ACTN1: variants seen among roughly 807,000 people sequenced by gnomAD.
ACTN1 encodes actinin alpha 1.
ACTN1 carries 30 observed loss-of-function variants against 119.6 expected under a neutral mutation model. That is an observed-to-expected ratio of 0.25 (90% CI 0.19 to 0.34). The LOEUF (loss-of-function observed/expected upper bound fraction) is 0.34, where lower values mean the gene tolerates loss of function less well. Among genes scored for constraint, ACTN1 ranks in the 10% least tolerant of loss-of-function variants. The probability of loss-of-function intolerance (pLI) is 1.00; values close to 1 mark genes in which losing one functional copy is unlikely to be tolerated. For missense variants in ACTN1, 764 were observed against 1,223.4 expected, an observed-to-expected ratio of 0.62 and a Z score of 5.60; for synonymous variants, 429 against 472.6, an observed-to-expected ratio of 0.91 and a Z score of 1.20.
intron 8 of ACTN1, among the ~76,000 whole-genome samples, chr14:68,895,621 CCACT>C (rs939283892): frequency 6.6e-6 from 1 of 152,144 alleles, no homozygotes; most frequent in Non-Finnish European, 1.5e-5. Context: ...CAGAGATGTG[CCACT>C]CAAACAGCTG....
intron 3 of ACTN1, among the ~76,000 whole-genome samples, chr14:68,915,880 G>A (rs764078775): frequency 2.4e-4 from 36 of 152,242 alleles, no homozygotes; most frequent in Non-Finnish European, 4.8e-4. Flanking sequence ...CAGATGTGGT[G>A]GCACATGCCT....
Position 68,909,053 on chromosome 14 carries a change from C to A in ACTN1, c.594+265G>T, listed in dbSNP as rs1238908718. On this transcript the variant is annotated intron_variant, in intron 6 of 21. Coordinates refer to ENST00000394419, the MANE Select transcript of ACTN1 (RefSeq NM_001130004.2). The surrounding 1 kb of genome is among the most constrained non-coding windows in gnomAD (Gnocchi z 4.1). ...ACCATGTATCATTCCATCCCTCTGACAAAGCTGCTGTCACAGCTGTGATAT... is the reference window on the plus strand; with the variant it reads ...ACCATGTATCATTCCATCCCTCTGAAAAAGCTGCTGTCACAGCTGTGATAT... 7.9e-5 allele frequency among the ~76,000 whole-genome samples: 12 copies of A among 152,218 alleles called. No homozygotes were observed. Among genetic ancestry groups the A allele is most frequent in the Non-Finnish European group, 1.3e-4 (9 of 68,044 alleles).
At chr14:68,886,792 CAA>C (rs377762909) in intron 11 of ACTN1, 53 of 143,974 alleles carry the variant, frequency 3.7e-4, no homozygotes, top group South Asian at 4.4e-4. Context: ...GACTCCGTTT[CAA>C]AAAAAAAAAA....
chr14:68,918,142 CTG>C (rs2034415688), intron 3 of ACTN1, among the ~76,000 whole-genome samples: 1 of 152,222 alleles, frequency 6.6e-6, no homozygotes, highest in South Asian at 2.1e-4. Context: ...AACGGGAAAA[CTG>C]AGGCTGCCAG....
At chr14:68,950,462 G>GTGTGTATATATGTGTATGTGTATA in intron 1 of ACTN1, among the ~76,000 whole-genome samples, 3 of 125,912 alleles carry the variant, frequency 2.4e-5, no homozygotes, top group African/African-American at 1.2e-4. Context: ...ATGCGTGTGT[G>GTGTGTATATATGTGTATGTGTATA]TATATATATA....
chr14:68,931,407 C>G (rs923189653), intron 1 of ACTN1, among the ~76,000 whole-genome samples: 1 of 152,106 alleles, frequency 6.6e-6, no homozygotes, highest in African/African-American at 2.4e-5. Context: ...ACCAGACAGC[C>G]CTTTGAGGGG....
intron 1 of ACTN1, among the ~76,000 whole-genome samples, chr14:68,950,973 G>T (rs972764867): frequency 2.0e-5 from 3 of 152,168 alleles, no homozygotes; most frequent in African/African-American, 7.2e-5. Context: ...TTAGAGGGGG[G>T]CAATGTTATC....
intron 1 of ACTN1, among the ~76,000 whole-genome samples, chr14:68,954,191 T>G (rs2036271675): frequency 6.6e-6 from 1 of 152,202 alleles, no homozygotes; most frequent in Non-Finnish European, 1.5e-5. Context: ...TTATCATTTT[T>G]AAAGGCTGCA....
intron 1 of ACTN1, among the ~76,000 whole-genome samples, chr14:68,943,469 C>T (rs2035831359): frequency 6.6e-6 from 1 of 152,136 alleles, no homozygotes; most frequent in African/African-American, 2.4e-5. Flanking sequence ...ACCGGGGCTC[C>T]TAGGCTTCAC....
chr14:68,892,902 T>C (rs2032603211), intron 9 of ACTN1, among the ~76,000 whole-genome samples: 1 of 152,002 alleles, frequency 6.6e-6, no homozygotes, highest in Non-Finnish European at 1.5e-5. Context: ...ATCACACACA[T>C]GGACTCATCT....
In ACTN1 at chr14:68,875,034, G is replaced by A; in HGVS notation, c.2587-17C>T. On this transcript the variant is annotated splice_polypyrimidine_tract_variant and intron_variant, in intron 21 of 21. Transcript: ENST00000394419. ...AATGTAGTTCTGCGAGGAGAGAGTG[G>A]TCAGGAAGGCCGCAAAGTCCAGCAG... The A allele has an allele frequency of 6.2e-7, 1 of 1,611,560 alleles. No individual in the cohort carries two copies. Among genetic ancestry groups the A allele is most frequent in the African/African-American group, 1.3e-5 (1 of 75,048 alleles).
chr14:68,931,582 G>A (rs1357373406), intron 1 of ACTN1, among the ~76,000 whole-genome samples: 5 of 152,122 alleles, frequency 3.3e-5, no homozygotes, highest in African/African-American at 7.2e-5. Context: ...TGGATTCTAC[G>A]GCAAGATGGA....
rs1345402736 is a variant in ACTN1, at chr14:68,874,922, G to A, written c.2682C>T (p.Ser894=). 17 of 1,611,416 alleles carry A rather than the reference G, an allele frequency of 1.1e-5. No individual in the cohort carries two copies. Among genetic ancestry groups the A allele is most frequent in the Non-Finnish European group, 1.4e-5 (17 of 1,178,158 alleles). ...ARMAPYTGPD[S]VPGALDYMSF... ...ACATGTAGTCCAGAGCACCTGGCACGGAGTCGGGGCCGGTGTAGGGGGCCA... is the reference window on the plus strand; with the variant it reads ...ACATGTAGTCCAGAGCACCTGGCACAGAGTCGGGGCCGGTGTAGGGGGCCA... The change falls in exon 22 of 22, where the codon TCC becomes TCT. Residue 894 remains serine, a synonymous_variant. Coordinates refer to ENST00000394419, the MANE Select transcript of ACTN1 (RefSeq NM_001130004.2).
chr14:68,875,088 G>T, intron 21 of ACTN1, 71 bp from the exon 22 acceptor site: 1 of 1,591,520 alleles, frequency 6.3e-7, no homozygotes, highest in Non-Finnish European at 8.5e-7. Flanking sequence ...CGACACAGCC[G>T]CAAAGCCTGG....
rs2031332321 is a variant in ACTN1 at position 68,879,919 on chromosome 14, G to A, written c.2280+43C>T. 2 of 1,604,654 alleles carry A rather than the reference G, an allele frequency of 1.2e-6. No individual in the cohort carries two copies. Among genetic ancestry groups the A allele is most frequent in the Non-Finnish European group, 1.7e-6 (2 of 1,172,984 alleles). On this transcript the variant is annotated intron_variant, in intron 18 of 21. Coordinates refer to ENST00000394419, the MANE Select transcript of ACTN1 (RefSeq NM_001130004.2). The surrounding 1 kb of genome is among the most constrained non-coding windows in gnomAD (Gnocchi z 4.9). ...AGTGCCCTCCAGGGCCCTGGGGCAG[G>A]GGTTGGGGGCTGCACTAAGAAAGCA...
In ACTN1 at chr14:68,925,643, G is replaced by A; in HGVS notation, c.135C>T (p.Leu45=). The change falls in exon 2 of 22, where the codon CTC becomes CTT. Residue 45 remains leucine (L), a synonymous_variant. Coordinates refer to ENST00000394419, the MANE Select transcript of ACTN1 (RefSeq NM_001130004.2). The surrounding 1 kb of genome is among the most constrained non-coding windows in gnomAD (Gnocchi z 4.3). ...TCTCGATCTGTGTCCCCGCCTTCCG[G>A]AGGTGGGAGTTACACCATGCCGTGA... ...KTFTAWCNSH[L]RKAGTQIENI... is the part of the protein sequence containing the mutation. The A allele has an allele frequency of 1.2e-6, 2 of 1,613,266 alleles. No individual in the cohort carries two copies. The highest frequency in any genetic ancestry group is 2.2e-5 in the East Asian group (1 of 44,816).
chr14:68,892,930 C>T (rs1412606030), intron 9 of ACTN1, among the ~76,000 whole-genome samples: 10 of 152,142 alleles, frequency 6.6e-5, no homozygotes, highest in African/African-American at 1.9e-4. Context: ...CACAGAAACA[C>T]TACAAAGCTA....
At chr14:68,884,594 C>T (rs747525882) in intron 13 of ACTN1, among the ~76,000 whole-genome samples, 181 bp downstream of exon 13, 8 of 152,246 alleles carry the variant, frequency 5.3e-5, no homozygotes, top group Non-Finnish European at 7.3e-5. Context: ...GAGGAGGCAT[C>T]GCCATGAGGG....
Position 68,878,113 on chromosome 14 carries a change from T to A in ACTN1, c.2427+345A>T, listed in dbSNP as rs952484644. ...TGGAAGTCTCGGTTTCCATGCTCCA[T>A]GTGAGGTGACGCATGCCAGCCCGAA... On this transcript the variant is annotated intron_variant, in intron 20 of 21. Transcript: ENST00000394419. The surrounding 1 kb of genome is among the most constrained non-coding windows in gnomAD (Gnocchi z 4.4). 5 of 238,736 alleles carry A rather than the reference T, an allele frequency of 2.1e-5. No individual in the cohort carries two copies. Among genetic ancestry groups the A allele is most frequent in the African/African-American group, 8.9e-5 (4 of 44,866 alleles). 14.8% of individuals were successfully genotyped at this position (238,736 alleles called of 1,614,324 possible).
Sources: gnomAD v4.1 joint callset for allele counts (sites outside exome capture counted in the v4.1 genomes callset) on GRCh38, gnomAD v4.1.1 for gene constraint, Gnocchi (gnomAD v3.1) non-coding constraint, MANE v1.5 for transcripts, NCBI Gene and HGNC (gene_info 2026-07-23, HGNC 2026-07-21) for gene names.